FAM13C: variants seen among roughly 807,000 people sequenced by gnomAD.
FAM13C encodes protein FAM13C.
Under a neutral mutation model 73.2 loss-of-function variants are expected in FAM13C, and 37 were observed. That is an observed-to-expected ratio of 0.51 (90% confidence interval 0.39 to 0.67). The LOEUF (loss-of-function observed/expected upper bound fraction) is 0.67. FAM13C is among the 30% of genes least tolerant of loss of function. The probability of loss-of-function intolerance (pLI) is 0.00; values close to 1 mark genes in which losing one functional copy is unlikely to be tolerated. For missense variants in FAM13C, 589 were observed against 715.6 expected, an observed-to-expected ratio of 0.82 and a Z score of 2.02; for synonymous variants, 246 against 260.9, an observed-to-expected ratio of 0.94 and a Z score of 0.55.
Position 59,262,779 on chromosome 10 carries a change from A to G in FAM13C, c.1025-134T>C, listed in dbSNP as rs1000090949. On this transcript the variant is annotated intron_variant, in intron 9 of 13. Coordinates refer to ENST00000618804, the MANE Select transcript of FAM13C (RefSeq NM_198215.4). Reference sequence around the variant, plus strand: ...ACTAATGATGGCTTTCCACAGGGCAACGGCAACCCTTATAACCAGAGCCAT... The same window carrying G: ...ACTAATGATGGCTTTCCACAGGGCAGCGGCAACCCTTATAACCAGAGCCAT... The G allele has an allele frequency of 7.1e-6, 5 of 705,630 alleles. No homozygotes were observed. The African/African-American group carries it at 9.0e-5, about 13-fold the overall frequency. The allele number at this position is 705,630 out of a possible 1,614,324, so 43.7% of individuals were successfully genotyped here.
intron 10 of FAM13C, among the ~76,000 whole-genome samples, chr10:59,257,033 T>A (rs758716420): frequency 3.1e-4 from 47 of 152,260 alleles, no homozygotes; most frequent in Non-Finnish European, 6.6e-4. Flanking sequence ...ACACGTTGAA[T>A]AACCTAAAAC....
intron 13 of FAM13C, 170 bp downstream of exon 13, chr10:59,251,405 T>C: frequency 3.0e-6 from 2 of 657,264 alleles, no homozygotes; most frequent in Admixed American, 2.5e-5. Flanking sequence ...GAAACATCCC[T>C]AATACTGGCA....
At chr10:59,266,102 T>C (rs899862872) in intron 8 of FAM13C, among the ~76,000 whole-genome samples, 1 of 152,214 alleles carries the variant, frequency 6.6e-6, no homozygotes, top group African/African-American at 2.4e-5. Context: ...GCTAGAACTA[T>C]TCTTTGCTGT....
At chr10:59,278,936 G>T (rs1844628371) in intron 6 of FAM13C, among the ~76,000 whole-genome samples, 1 of 152,138 alleles carries the variant, frequency 6.6e-6, no homozygotes, top group Non-Finnish European at 1.5e-5. Flanking sequence ...TCTTCTTACT[G>T]ACTTTCAAAG....
intron 5 of FAM13C, among the ~76,000 whole-genome samples, chr10:59,290,967 G>A (rs943239555): frequency 1.3e-5 from 2 of 152,132 alleles, no homozygotes; most frequent in South Asian, 2.1e-4. Flanking sequence ...TATAAAAGAC[G>A]TGCACTCCCA....
chr10:59,313,785 T>G (rs528047644), intron 4 of FAM13C, among the ~76,000 whole-genome samples: 6 of 152,008 alleles, frequency 3.9e-5, no homozygotes, highest in Non-Finnish European at 7.4e-5. Context: ...AAAAGCAAAC[T>G]AGAGCTTGTA....
chr10:59,294,555 C>T (rs925046451), intron 5 of FAM13C, among the ~76,000 whole-genome samples: 1 of 152,164 alleles, frequency 6.6e-6, no homozygotes, highest in Non-Finnish European at 1.5e-5. Context: ...AAGGATTCCC[C>T]TGAGGGTGAG....
intron 5 of FAM13C, among the ~76,000 whole-genome samples, chr10:59,287,768 A>T (rs1222213102): frequency 6.6e-6 from 1 of 152,254 alleles, no homozygotes; most frequent in Non-Finnish European, 1.5e-5. Context: ...GCAGAGCACC[A>T]GCATGTTGCA....
chr10:59,268,438 G>T, intron 8 of FAM13C, 115 bp downstream of exon 8: 1 of 1,391,492 alleles, frequency 7.2e-7, no homozygotes. Flanking sequence ...GTTGGCCCAT[G>T]GGAACAGAGC....
chr10:59,287,609 T>C (rs1845754379), intron 5 of FAM13C, among the ~76,000 whole-genome samples: 1 of 152,182 alleles, frequency 6.6e-6, no homozygotes, highest in African/African-American at 2.4e-5. Flanking sequence ...CTACATACCA[T>C]GTGTCTGACT....
chr10:59,277,532 C>T (rs772116963), intron 6 of FAM13C, among the ~76,000 whole-genome samples: 9 of 151,970 alleles, frequency 5.9e-5, no homozygotes, highest in East Asian at 1.9e-4. Flanking sequence ...ATGTGAAATA[C>T]GCTATGCAGT....
intron 6 of FAM13C, among the ~76,000 whole-genome samples, chr10:59,274,019 C>T (rs975497908): frequency 2.0e-5 from 3 of 152,122 alleles, no homozygotes; most frequent in Non-Finnish European, 4.4e-5. Context: ...AAATAGCATT[C>T]AGGGACATTC....
At chr10:59,258,810 C>A (rs570946684) in intron 10 of FAM13C, among the ~76,000 whole-genome samples, 2 of 152,264 alleles carry the variant, frequency 1.3e-5, no homozygotes, top group South Asian at 2.1e-4. Flanking sequence ...CAACCAACAA[C>A]AACCTGCTTA....
In FAM13C at chr10:59,260,112, A is replaced by G. The variant is rs150036153; in HGVS notation, c.1236+2322T>C. 2.6e-3 allele frequency among the ~76,000 whole-genome samples: 398 copies of G among 151,676 alleles called. 3 individuals carry two copies. Among genetic ancestry groups the G allele is most frequent in the African/African-American group, 8.6e-3 (354 of 41,316 alleles). ...ATTTCCTCCCATCTAATGCTTCAAC[A>G]TGTCCTTTTGATTCTACCTTCAAAA... On this transcript the variant is annotated intron_variant, in intron 10 of 13. Coordinates refer to ENST00000618804, the MANE Select transcript of FAM13C (RefSeq NM_198215.4).
At chr10:59,260,188 T>C (rs1842361764) in intron 10 of FAM13C, among the ~76,000 whole-genome samples, 3 of 152,118 alleles carry the variant, frequency 2.0e-5, no homozygotes, top group Admixed American at 6.6e-5. Context: ...ACCGTGCTAA[T>C]CCAAGCCACC....
chr10:59,286,236 G>C (rs959990226), intron 5 of FAM13C, among the ~76,000 whole-genome samples: 2 of 152,104 alleles, frequency 1.3e-5, no homozygotes, highest in Non-Finnish European at 2.9e-5. Context: ...CATCGAAGCT[G>C]GAAGCGGTGG....
chr10:59,305,507 T>C (rs1458901929), intron 4 of FAM13C, among the ~76,000 whole-genome samples: 1 of 152,216 alleles, frequency 6.6e-6, no homozygotes, highest in African/African-American at 2.4e-5. Context: ...CTGCTCCAAT[T>C]TGCATCCTGA....
chr10:59,332,806 A>C (rs556146745), intron 3 of FAM13C, among the ~76,000 whole-genome samples: 2 of 152,274 alleles, frequency 1.3e-5, no homozygotes, highest in Non-Finnish European at 2.9e-5. Flanking sequence ...ACTTATTCCT[A>C]TGCACAGAGC....
At chr10:59,325,613 T>C (rs1466854402) in intron 3 of FAM13C, among the ~76,000 whole-genome samples, 1 of 152,194 alleles carries the variant, frequency 6.6e-6, no homozygotes, top group East Asian at 1.9e-4. Context: ...TTCTGCTTGC[T>C]ACTTGCTCAG....
Sources: allele counts gnomAD v4.1 joint callset (sites outside exome capture counted in the v4.1 genomes callset), GRCh38; gene constraint gnomAD v4.1.1; transcripts MANE v1.5; gene names NCBI Gene and HGNC (gene_info 2026-07-23, HGNC 2026-07-21).